Variants in FIG4 observed in about 807,000 individuals in gnomAD.
FIG4 encodes the protein FIG4 phosphoinositide 5-phosphatase, also known as polyphosphoinositide phosphatase.
A neutral mutation model predicts 118.6 loss-of-function variants in FIG4; 112 were observed. The ratio of observed to expected loss-of-function variants is 0.94; its 90% CI spans 0.81 to 1.11. FIG4 has a LOEUF of 1.11. Ranked by LOEUF, FIG4 falls within the 50% of genes least tolerant of loss-of-function variation. FIG4 has a pLI of 0.00. For synonymous variants in FIG4, 369 were observed against 381.2 expected (o/e 0.97, Z 0.37); for missense variants, 969 against 1,111.7 (o/e 0.87, Z 1.83).
intron 14 of FIG4, among the ~76,000 whole-genome samples, chr6:109,766,036 G>A (rs891269836): frequency 3.3e-5 from 5 of 152,152 alleles, no homozygotes; most frequent in Non-Finnish European, 7.4e-5. Flanking sequence ...AAGTTCATAC[G>A]TTGAAACCCT....
At chr6:109,811,107 T>C (rs1778709228) in intron 22 of FIG4, among the ~76,000 whole-genome samples, 1 of 152,212 alleles carries the variant, frequency 6.6e-6, no homozygotes. Flanking sequence ...AGTGCTGAGA[T>C]AACTGGGAGT....
intron 1 of FIG4, among the ~76,000 whole-genome samples, chr6:109,706,130 C>T (rs1032935061): frequency 1.3e-5 from 2 of 152,236 alleles, no homozygotes; most frequent in Non-Finnish European, 2.9e-5. Context: ...GAGTTAGCCC[C>T]AGTCTCCCGA....
rs201742496 is a variant in FIG4 at position 109,763,953 on chromosome 6, G to A, written c.1405G>A (p.Gly469Arg). Residue 469 changes from glycine (G) to arginine (R), a missense_variant, in exon 13 of 23, where the codon GGA becomes AGA. Gly to Arg is a moderately radical substitution (Grantham distance 125). Transcript: ENST00000230124. ...RPDEKWNELG[G>R]CVIPTGRLQT... Reference sequence around the variant, plus strand: ...TAAACACAGGTGGAATGAACTAGGAGGATGTGTGATTCCCACTGGTCGCCT... The same window carrying A: ...TAAACACAGGTGGAATGAACTAGGAAGATGTGTGATTCCCACTGGTCGCCT... 9.2e-5 allele frequency: 148 copies of A among 1,609,836 alleles called. No individual in the cohort carries two copies. Among genetic ancestry groups the A allele is most frequent in the Non-Finnish European group, 1.2e-4 (139 of 1,176,270 alleles).
Position 109,691,356 on chromosome 6 carries a change from C to T in FIG4, c.-80C>T. ...TCCTGGCTGGACTTGATGTCCAGGG[C>T]CTGAGGGGTTTTCTCGCCGAGTCTC... On this transcript the variant is annotated 5_prime_UTR_variant, in exon 1 of 23. Coordinates refer to ENST00000230124, the MANE Select transcript of FIG4 (RefSeq NM_014845.6). 1 of 1,132,524 alleles carries T rather than the reference C, an allele frequency of 8.8e-7. No homozygotes were observed. Among genetic ancestry groups the T allele is most frequent in the Non-Finnish European group, 1.3e-6 (1 of 764,284 alleles). 70.2% of individuals were successfully genotyped at this position (1,132,524 alleles called of 1,614,324 possible).
At chr6:109,769,123 A>G (rs941080816) in intron 15 of FIG4, among the ~76,000 whole-genome samples, 2 of 128,564 alleles carry the variant, frequency 1.6e-5, no homozygotes, top group African/African-American at 5.5e-5. Flanking sequence ...TTTTTTTTTG[A>G]GAGGGAGTCT....
At chr6:109,731,572 CATGTACAG>C (rs1292453129) in intron 4 of FIG4, among the ~76,000 whole-genome samples, 2 of 152,120 alleles carry the variant, frequency 1.3e-5, no homozygotes, top group African/African-American at 4.8e-5. Flanking sequence ...CTGTACTGAA[CATGTACAG>C]ATGTTTTTCT....
At chr6:109,764,732 A>AT (rs1777228743) in intron 13 of FIG4, among the ~76,000 whole-genome samples, 1 of 152,224 alleles carries the variant, frequency 6.6e-6, no homozygotes, top group Non-Finnish European at 1.5e-5. Flanking sequence ...TATTTGTTTT[A>AT]TTTTGTTAAA....
At chr6:109,773,816 C>T (rs1007006133) in intron 15 of FIG4, among the ~76,000 whole-genome samples, 2 of 152,052 alleles carry the variant, frequency 1.3e-5, no homozygotes, top group African/African-American at 4.8e-5. Flanking sequence ...GGACCACACT[C>T]GTCTAATTTT....
Position 109,765,020 on chromosome 6 carries a change from TCCTTCGAA to T in FIG4, c.1445_1452del (p.Leu482GlnfsTer32), listed in dbSNP as rs2128392205. The stretch of plus-strand genomic sequence containing the variant: ...TAAGGTATTTCTCTTTAGACTGGCA[TCCTTCGAA>T]CCAACTGTGTGGACTGTTTAGATCG... On this transcript the variant is annotated frameshift_variant, in exon 14 of 23. Transcript: ENST00000230124. LOFTEE classifies it high-confidence loss of function. The T allele has an allele frequency of 1.9e-6, 3 of 1,613,976 alleles. No individual in the cohort carries two copies. The highest frequency in any genetic ancestry group is 1.7e-6 in the Non-Finnish European group (2 of 1,179,840).
chr6:109,727,934 C>T (rs894212507), intron 4 of FIG4, among the ~76,000 whole-genome samples: 5 of 152,148 alleles, frequency 3.3e-5, no homozygotes, highest in South Asian at 2.1e-4. Flanking sequence ...TTTAAACAGA[C>T]GTGACAACTA....
At chr6:109,703,052 A>G (rs923225274) in intron 1 of FIG4, among the ~76,000 whole-genome samples, 2 of 152,068 alleles carry the variant, frequency 1.3e-5, no homozygotes, top group South Asian at 4.1e-4. Context: ...TCGTTTTGGT[A>G]GAGTACTTCC....
At chr6:109,783,410 C>A (rs950641013) in intron 16 of FIG4, among the ~76,000 whole-genome samples, 1 of 152,210 alleles carries the variant, frequency 6.6e-6, no homozygotes, top group Non-Finnish European at 1.5e-5. Context: ...GGACACTAGC[C>A]TCTTGTAGAG....
In FIG4 at chr6:109,716,133, GCACATAGTTTTAAGGGATTCATGGACTCT is replaced by G. The variant is rs1775423232; in HGVS notation, c.166-311_166-283del. Among the ~76,000 whole-genome samples, 4 of 152,166 alleles carry G rather than the reference GCACATAGTTTTAAGGGATTCATGGACTCT, an allele frequency of 2.6e-5. No individual in the cohort carries two copies. The South Asian group carries it at 6.2e-4, about 24-fold the overall frequency. ...AAGATGCACATTTACTCAAAATTTTGCACATAGTTTTAAGGGATTCATGGACTCTTGAAATTTACCTGTAGATCCCTTAA... is the reference window on the plus strand; with the variant it reads ...AAGATGCACATTTACTCAAAATTTTGTGAAATTTACCTGTAGATCCCTTAA... On this transcript the variant is annotated intron_variant, in intron 2 of 22. Transcript: ENST00000230124.
intron 22 of FIG4, among the ~76,000 whole-genome samples, chr6:109,804,788 G>T (rs1778517430): frequency 1.3e-5 from 2 of 151,942 alleles, no homozygotes; most frequent in South Asian, 4.2e-4. Context: ...CAATTTTATG[G>T]GAACAGAAAG....
chr6:109,692,240 C>T (rs1774486029), intron 1 of FIG4, among the ~76,000 whole-genome samples: 1 of 152,184 alleles, frequency 6.6e-6, no homozygotes, highest in Admixed American at 6.5e-5. Flanking sequence ...AAAGTTGGTA[C>T]AGTATAGCTC....
At chr6:109,761,852 C>G (rs1340914644) in intron 11 of FIG4, among the ~76,000 whole-genome samples, 1 of 152,144 alleles carries the variant, frequency 6.6e-6, no homozygotes, top group African/African-American at 2.4e-5. Flanking sequence ...TTAAGGATCA[C>G]CAATATTTGA....
At chr6:109,782,121 A>C (rs1188276779) in intron 16 of FIG4, among the ~76,000 whole-genome samples, 1 of 152,126 alleles carries the variant, frequency 6.6e-6, no homozygotes, top group East Asian at 1.9e-4. Context: ...GGAACTGAAA[A>C]AGAAAAGAGA....
chr6:109,720,361 T>A (rs1377824928), intron 3 of FIG4, among the ~76,000 whole-genome samples: 1 of 152,268 alleles, frequency 6.6e-6, no homozygotes, highest in Non-Finnish European at 1.5e-5. Context: ...AGAATGGTTG[T>A]GTTCTATTCT....
At chr6:109,736,793 C>T (rs1468882223) in intron 6 of FIG4, among the ~76,000 whole-genome samples, 1 of 152,112 alleles carries the variant, frequency 6.6e-6, no homozygotes, top group Non-Finnish European at 1.5e-5. Context: ...TATCATCTTA[C>T]AGAAGTCCAC....
Sources: gnomAD v4.1 joint callset for allele counts (sites outside exome capture counted in the v4.1 genomes callset) on GRCh38, gnomAD v4.1.1 for gene constraint, MANE v1.5 for transcripts, NCBI Gene and HGNC (gene_info 2026-07-23, HGNC 2026-07-21) for gene names.